Variants in CLEC16A observed in about 807,000 individuals in gnomAD.
CLEC16A encodes C-type lectin domain containing 16A, also known as protein CLEC16A.
In CLEC16A, 51 loss-of-function variants were observed where a neutral mutation model predicts 109.5. The observed-to-expected ratio is 0.47, with a 90% CI of 0.37 to 0.59. The LOEUF (loss-of-function observed/expected upper bound fraction) is 0.59, where lower values mean the gene tolerates loss of function less well. CLEC16A is among the 20% of genes least tolerant of loss of function. The pLI is 0.00. For missense variants in CLEC16A, 1,339 were observed against 1,394.0 expected (o/e 0.96, Z 0.63); for synonymous variants, 673 against 564.2 (o/e 1.19, Z -2.73).
At chr16:11,094,773 C>T (rs903269012) in intron 19 of CLEC16A, among the ~76,000 whole-genome samples, 1 of 152,212 alleles carries the variant, frequency 6.6e-6, no homozygotes, top group Non-Finnish European at 1.5e-5. Flanking sequence ...ATTAGGTTTG[C>T]ATGGTTGCCA....
chr16:11,141,447 C>T (rs1240813137), intron 22 of CLEC16A, among the ~76,000 whole-genome samples: 2 of 152,252 alleles, frequency 1.3e-5, no homozygotes, highest in Non-Finnish European at 2.9e-5. Context: ...GGGCAAGTCA[C>T]CCAGAGGGTT....
At chr16:11,039,043 A>G (rs2047176702) in intron 13 of CLEC16A, among the ~76,000 whole-genome samples, 1 of 151,870 alleles carries the variant, frequency 6.6e-6, no homozygotes, top group Non-Finnish European at 1.5e-5. Context: ...CTCTTTCTCT[A>G]GGCCTGGATT....
intron 19 of CLEC16A, among the ~76,000 whole-genome samples, chr16:11,101,471 C>T (rs1020406619): frequency 1.3e-5 from 2 of 152,190 alleles, no homozygotes; most frequent in East Asian, 1.9e-4. Flanking sequence ...TCGCACTCTG[C>T]GTGTCACACT....
intron 19 of CLEC16A, among the ~76,000 whole-genome samples, chr16:11,063,685 AGC>A (rs2048612670): frequency 6.6e-6 from 1 of 152,182 alleles, no homozygotes; most frequent in South Asian, 2.1e-4. Context: ...GCTGACCAGC[AGC>A]AGGTCTCTCG....
intron 23 of CLEC16A, among the ~76,000 whole-genome samples, chr16:11,167,202 A>G (rs1179472960): frequency 6.6e-6 from 1 of 152,112 alleles, no homozygotes; most frequent in Non-Finnish European, 1.5e-5. Context: ...GGAAGTACAG[A>G]CACCAGGCCT....
At chr16:11,164,148 C>G (rs748783145) in intron 22 of CLEC16A, among the ~76,000 whole-genome samples, 5 of 152,126 alleles carry the variant, frequency 3.3e-5, no homozygotes, top group Non-Finnish European at 5.9e-5. Context: ...ATTCATCCTG[C>G]CTTTCTCTCC....
At chr16:11,175,943 A>G (rs981316745) in intron 23 of CLEC16A, among the ~76,000 whole-genome samples, 2 of 152,254 alleles carry the variant, frequency 1.3e-5, no homozygotes, top group African/African-American at 2.4e-5. Flanking sequence ...AGAAAACGTG[A>G]AGGTAACGCT....
At chr16:11,143,927 T>C (rs535150175) in intron 22 of CLEC16A, among the ~76,000 whole-genome samples, 34 of 152,278 alleles carry the variant, frequency 2.2e-4, no homozygotes, top group African/African-American at 6.7e-4. Flanking sequence ...TGCTCTGTGT[T>C]CTCATTTTTT....
intron 5 of CLEC16A, 67 bp downstream of exon 5, chr16:10,971,297 T>A: frequency 3.5e-6 from 4 of 1,149,292 alleles, no homozygotes; most frequent in Non-Finnish European, 5.2e-6. Context: ...CACTCCCGTG[T>A]GTGTGCGTAC....
At chr16:11,172,332 A>G (rs1287826837) in intron 23 of CLEC16A, among the ~76,000 whole-genome samples, 1 of 152,160 alleles carries the variant, frequency 6.6e-6, no homozygotes, top group East Asian at 1.9e-4. Context: ...AGTCACATAC[A>G]CACACACACT....
At chr16:11,051,058 A>G (rs1251274936) in intron 17 of CLEC16A, among the ~76,000 whole-genome samples, 1 of 152,228 alleles carries the variant, frequency 6.6e-6, no homozygotes, top group East Asian at 1.9e-4. Context: ...CTTAGGTCAC[A>G]GCTTGCAGCG....
At chr16:11,132,100 C>A (rs2053245504) in intron 22 of CLEC16A, among the ~76,000 whole-genome samples, 1 of 152,208 alleles carries the variant, frequency 6.6e-6, no homozygotes, top group African/African-American at 2.4e-5. Context: ...ATAAAACTAA[C>A]CACTTGAAAG....
chr16:11,100,647 G>C (rs1158753425), intron 19 of CLEC16A, among the ~76,000 whole-genome samples: 3 of 152,178 alleles, frequency 2.0e-5, no homozygotes, highest in African/African-American at 7.2e-5. Flanking sequence ...GTCAGTTACT[G>C]ACCCTCTCAG....
intron 19 of CLEC16A, among the ~76,000 whole-genome samples, chr16:11,073,310 C>G (rs1191605204): frequency 6.6e-6 from 1 of 152,096 alleles, no homozygotes; most frequent in Non-Finnish European, 1.5e-5. Flanking sequence ...TGCTCATCAC[C>G]CGACCTGCTG....
At chr16:11,077,711 G>A (rs894412457) in intron 19 of CLEC16A, among the ~76,000 whole-genome samples, 4 of 152,226 alleles carry the variant, frequency 2.6e-5, no homozygotes, top group African/African-American at 7.2e-5. Context: ...GGTGGAGGGT[G>A]TGAGGGGTCT....
intron 10 of CLEC16A, among the ~76,000 whole-genome samples, chr16:10,999,660 G>A (rs2044545437): frequency 1.3e-5 from 2 of 152,190 alleles, no homozygotes; most frequent in Admixed American, 1.3e-4. Flanking sequence ...TCCCCAGTAA[G>A]CATGCCCTCC....
At chr16:10,946,950 T>C (rs1335154731) in intron 1 of CLEC16A, among the ~76,000 whole-genome samples, 2 of 152,238 alleles carry the variant, frequency 1.3e-5, no homozygotes, top group Non-Finnish European at 2.9e-5. Flanking sequence ...TGAATAAAAC[T>C]TCCCAATAAG....
intron 11 of CLEC16A, among the ~76,000 whole-genome samples, chr16:11,007,011 A>T (rs1206560031): frequency 6.6e-6 from 1 of 152,188 alleles, no homozygotes; most frequent in East Asian, 1.9e-4. Context: ...TTCCTAGGGT[A>T]CGTGCTTGTT....
intron 8 of CLEC16A, 73 bp downstream of exon 8, chr16:10,977,472 GA>G: frequency 7.4e-7 from 1 of 1,350,646 alleles, no homozygotes; most frequent in Middle Eastern, 2.0e-4. Context: ...CAGTCCCCTG[GA>G]ATGGGGCTGA....
Sources: gnomAD v4.1 joint callset for allele counts (sites outside exome capture counted in the v4.1 genomes callset) on GRCh38, gnomAD v4.1.1 for gene constraint, MANE v1.5 for transcripts, NCBI Gene and HGNC (gene_info 2026-07-23, HGNC 2026-07-21) for gene names.